Variants in GMDS observed in about 807,000 individuals in gnomAD.
GMDS encodes the protein GDP-mannose 4,6 dehydratase.
A neutral mutation model predicts 49.9 loss-of-function variants in GMDS; 20 were observed. The ratio of observed to expected loss-of-function variants is 0.40; its 90% CI spans 0.28 to 0.58. The LOEUF is 0.58. Among genes scored for constraint, GMDS ranks in the 20% least tolerant of loss-of-function variants. GMDS has a pLI of 0.42. For missense variants in GMDS, 362 were observed against 481.4 expected (o/e 0.75, Z 2.32); for synonymous variants, 177 against 178.6 (o/e 0.99, Z 0.07).
intron 1 of GMDS, among the ~76,000 whole-genome samples, chr6:2,242,735 C>A (rs1457506043): frequency 6.6e-6 from 1 of 152,154 alleles, no homozygotes; most frequent in South Asian, 2.1e-4. Flanking sequence ...ATTAGATGTA[C>A]GACCTCAGGG....
chr6:1,936,178 G>A (rs1360752124), intron 6 of GMDS, among the ~76,000 whole-genome samples: 1 of 152,094 alleles, frequency 6.6e-6, no homozygotes, highest in Non-Finnish European at 1.5e-5. Flanking sequence ...TAATTTCTCA[G>A]TTCTCTTACC....
chr6:1,953,156 G>A (rs1299261282), intron 6 of GMDS, among the ~76,000 whole-genome samples: 2 of 152,154 alleles, frequency 1.3e-5, no homozygotes, highest in Non-Finnish European at 2.9e-5. Context: ...GCCAACAGCC[G>A]GCAGCACAGA....
intron 4 of GMDS, among the ~76,000 whole-genome samples, chr6:2,013,690 C>T (rs540610881): frequency 5.3e-5 from 8 of 151,792 alleles, no homozygotes; most frequent in African/African-American, 1.9e-4. Flanking sequence ...AGTCAGTGAG[C>T]TTGAAGATAT....
intron 7 of GMDS, among the ~76,000 whole-genome samples, chr6:1,799,649 T>G (rs2088331136): frequency 6.6e-6 from 1 of 152,082 alleles, no homozygotes; most frequent in Admixed American, 6.5e-5. Flanking sequence ...AGAAATTGGC[T>G]GAGGGGCTGG....
intron 7 of GMDS, among the ~76,000 whole-genome samples, chr6:1,780,361 C>T (rs1769028435): frequency 6.6e-6 from 1 of 152,288 alleles, no homozygotes; most frequent in Admixed American, 6.5e-5. Flanking sequence ...ACCAAGGATG[C>T]TAGAAGACAC....
intron 2 of GMDS, among the ~76,000 whole-genome samples, chr6:2,119,255 A>G (rs1419538949): frequency 6.6e-6 from 1 of 152,166 alleles, no homozygotes; most frequent in Non-Finnish European, 1.5e-5. Flanking sequence ...TATAAACATA[A>G]AAAGCTTTGA....
chr6:2,182,476 A>G (rs773333276), intron 1 of GMDS, among the ~76,000 whole-genome samples: 2 of 152,212 alleles, frequency 1.3e-5, no homozygotes, highest in Admixed American at 6.5e-5. Flanking sequence ...GTCAATGCCT[A>G]TCTTCACAGC....
intron 9 of GMDS, among the ~76,000 whole-genome samples, chr6:1,718,698 T>G (rs78246465): frequency 0.057 from 8,665 of 151,958 alleles, 806 homozygotes; most frequent in African/African-American, 0.2. Flanking sequence ...ACCTCTACGG[T>G]AATGGAATGT....
intron 9 of GMDS, among the ~76,000 whole-genome samples, chr6:1,647,421 G>A (rs1463197770): frequency 1.3e-5 from 2 of 152,116 alleles, no homozygotes; most frequent in Non-Finnish European, 2.9e-5. Flanking sequence ...AAAAAAGAGT[G>A]TCCCCAGCAG....
In GMDS at chr6:1,757,072, T is replaced by G. The variant is rs115223329; in HGVS notation, c.772-14486A>C. ...GAGCTATCTTGTGATAACTCTAATG[T>G]CAGCTGATTGTTTCAATATAGCAAT... On this transcript the variant is annotated intron_variant, in intron 7 of 10. Coordinates refer to ENST00000380815, the MANE Select transcript of GMDS (RefSeq NM_001500.4). Among the ~76,000 whole-genome samples the G allele has an allele frequency of 2.2e-3, 331 of 152,368 alleles. 1 individual carries two copies. The highest frequency in any genetic ancestry group is 7.7e-3 in the African/African-American group (319 of 41,582).
At chr6:1,733,425 A>G (rs1766891076) in intron 8 of GMDS, among the ~76,000 whole-genome samples, 1 of 152,166 alleles carries the variant, frequency 6.6e-6, no homozygotes, top group African/African-American at 2.4e-5. Context: ...TGGCTCCTTG[A>G]TGCCTTTTGG....
intron 7 of GMDS, among the ~76,000 whole-genome samples, chr6:1,905,444 T>C (rs1481211359): frequency 7.0e-6 from 1 of 143,826 alleles, no homozygotes; most frequent in African/African-American, 2.7e-5. Flanking sequence ...GGCCAGCACA[T>C]AGCTATGGGT....
intron 4 of GMDS, among the ~76,000 whole-genome samples, chr6:2,020,058 G>C (rs1308573919): frequency 1.3e-5 from 2 of 152,050 alleles, no homozygotes; most frequent in African/African-American, 2.4e-5. Context: ...TGATGTCTTT[G>C]ACTGCTTCTT....
In GMDS at chr6:2,191,393, G is replaced by A. The variant is rs1779011413; in HGVS notation, c.102+53928C>T. On this transcript the variant is annotated intron_variant, in intron 1 of 10. Transcript: ENST00000380815. This position sits in a 1 kb window ranked among gnomAD's most constrained non-coding sequence, Gnocchi z 4.6. ...AGCCCCCAGGCTGCAAGGGGGCACA[G>A]CTGGGACTTCCCGCTTCATGGAACC... is the stretch of plus-strand genomic sequence containing the variant. Among the ~76,000 whole-genome samples, 2 of 152,166 alleles carry A rather than the reference G, an allele frequency of 1.3e-5. No individual in the cohort carries two copies. Among genetic ancestry groups the A allele is most frequent in the South Asian group, 4.1e-4 (2 of 4,834 alleles).
At position 1,948,615 on chromosome 6, in the gene GMDS, G is replaced by A. The variant is rs193055862; in HGVS notation, c.643+11252C>T. On this transcript the variant is annotated intron_variant, in intron 6 of 10. Transcript: ENST00000380815. ...GAGGCTGCAGTGAACTATGATCACC[G>A]CTGTACTCCAGCCTGAGCACTGTAC... is the stretch of plus-strand genomic sequence containing the variant. Among the ~76,000 whole-genome samples the A allele has an allele frequency of 3.8e-3, 576 of 152,188 alleles. 1 individual carries two copies. The highest frequency in any genetic ancestry group is 6.8e-3 in the Middle Eastern group (2 of 292).
chr6:2,065,353 A>G (rs950474103), intron 4 of GMDS, among the ~76,000 whole-genome samples: 10 of 152,238 alleles, frequency 6.6e-5, no homozygotes, highest in Non-Finnish European at 1.3e-4. Context: ...GGAAACTCTA[A>G]AAAGCAGAGC....
At chr6:1,723,900 C>CT (rs1436366676) in intron 9 of GMDS, among the ~76,000 whole-genome samples, 2 of 152,138 alleles carry the variant, frequency 1.3e-5, no homozygotes, top group African/African-American at 4.8e-5. Context: ...ACCATTGGCT[C>CT]TTGGGACCTC....
chr6:1,874,258 T>C (rs1758918294), intron 7 of GMDS, among the ~76,000 whole-genome samples: 1 of 152,150 alleles, frequency 6.6e-6, no homozygotes, highest in Non-Finnish European at 1.5e-5. Context: ...TAGAAAGAAA[T>C]GTGAAAATCA....
At position 1,856,630 on chromosome 6, in the gene GMDS, G is replaced by A. The variant is rs116887114; in HGVS notation, c.771+73473C>T. 4.1e-4 allele frequency among the ~76,000 whole-genome samples: 63 copies of A among 152,338 alleles called. No individual in the cohort carries two copies. The East Asian group carries it at 0.011, about 28-fold the overall frequency. On this transcript the variant is annotated intron_variant, in intron 7 of 10. Coordinates refer to ENST00000380815, the MANE Select transcript of GMDS (RefSeq NM_001500.4). ...CTGCCCAGAGCAAGGAAGCTGTAGC[G>A]GATCTGGACAAAATGCAAGAGTACA...
Sources: gnomAD v4.1 joint callset for allele counts (sites outside exome capture counted in the v4.1 genomes callset) on GRCh38, gnomAD v4.1.1 for gene constraint, Gnocchi (gnomAD v3.1) non-coding constraint, MANE v1.5 for transcripts, NCBI Gene and HGNC (gene_info 2026-07-23, HGNC 2026-07-21) for gene names.